FMNL2: variants seen among roughly 807,000 people sequenced by gnomAD.
FMNL2 encodes the protein formin like 2.
FMNL2 carries 51 observed loss-of-function variants against 130.2 expected under a neutral mutation model. The observed-to-expected ratio is 0.39, with a 90% CI of 0.31 to 0.49. The LOEUF is 0.49. Ranked by LOEUF, FMNL2 falls within the 20% of genes least tolerant of loss-of-function variation. The probability of loss-of-function intolerance (pLI) is 0.85; values close to 1 mark genes in which losing one functional copy is unlikely to be tolerated. For missense variants in FMNL2, 977 were observed against 1,316.2 expected (o/e 0.74, Z 3.99); for synonymous variants, 465 against 467.1 (o/e 1.00, Z 0.06).
intron 1 of FMNL2, among the ~76,000 whole-genome samples, chr2:152,392,319 C>G (rs990490992): frequency 2.6e-5 from 4 of 152,250 alleles, no homozygotes; most frequent in African/African-American, 2.4e-5. Context: ...TCTCTCCCCC[C>G]CACTCATCAC....
intron 5 of FMNL2, among the ~76,000 whole-genome samples, chr2:152,560,651 G>T (rs1695470866): frequency 6.6e-6 from 1 of 152,032 alleles, no homozygotes; most frequent in Non-Finnish European, 1.5e-5. Flanking sequence ...AATTTTTGCT[G>T]CTCATTGTTC....
rs745717981 is a variant in FMNL2, at chr2:152,647,971, G to A, written c.*66G>A. 63 of 1,319,790 alleles carry A rather than the reference G, an allele frequency of 4.8e-5. No homozygotes were observed. Among genetic ancestry groups the A allele is most frequent in the Non-Finnish European group, 6.1e-5 (58 of 950,214 alleles). 81.8% of individuals were successfully genotyped at this position (1,319,790 alleles called of 1,614,324 possible). Reference sequence around the variant, plus strand: ...GAAACTGCCCACATGAACTTTATGTGCTACGATTTAACTGCAGCCTTGAAC... The same window carrying A: ...GAAACTGCCCACATGAACTTTATGTACTACGATTTAACTGCAGCCTTGAAC... On this transcript the variant is annotated 3_prime_UTR_variant, in exon 26 of 26. Coordinates refer to ENST00000288670, the MANE Select transcript of FMNL2 (RefSeq NM_052905.4).
chr2:152,617,047 A>G (rs763288185), intron 12 of FMNL2, 44 bp from the exon 13 acceptor site: 9 of 1,563,002 alleles, frequency 5.8e-6, no homozygotes, highest in Non-Finnish European at 6.2e-6. Flanking sequence ...GGGCTGATCA[A>G]GATGATCCTG....
chr2:152,485,532 ACT>A (rs571016487), intron 1 of FMNL2, among the ~76,000 whole-genome samples: 13 of 151,944 alleles, frequency 8.6e-5, no homozygotes, highest in African/African-American at 1.9e-4. Context: ...ACAGAGTAAG[ACT>A]CTCTGCCTGT....
intron 1 of FMNL2, among the ~76,000 whole-genome samples, chr2:152,442,287 T>C (rs1688093327): frequency 6.6e-6 from 1 of 151,816 alleles, no homozygotes; most frequent in African/African-American, 2.4e-5. Context: ...GTTTTGGTCT[T>C]GTTGCCCAGG....
intron 1 of FMNL2, among the ~76,000 whole-genome samples, chr2:152,454,747 T>A (rs1688857560): frequency 6.6e-6 from 1 of 152,194 alleles, no homozygotes; most frequent in African/African-American, 2.4e-5. Flanking sequence ...ATTGGACCTT[T>A]CATCAGCATA....
rs1682624589 is a variant in FMNL2, at chr2:152,636,570, G to T, written c.2824G>T (p.Asp942Tyr). 2 of 1,567,086 alleles carry T rather than the reference G, an allele frequency of 1.3e-6. No individual in the cohort carries two copies. The highest frequency in any genetic ancestry group is 1.7e-6 in the Non-Finnish European group (2 of 1,155,158). ...TGAGGGGAAGCTGAAGAAGCTGCAGGATGATGCCAAGATCGCACAGGCAAG... is the reference window on the plus strand; with the variant it reads ...TGAGGGGAAGCTGAAGAAGCTGCAGTATGATGCCAAGATCGCACAGGCAAG... The part of the protein sequence containing the change: ...NNEGKLKKLQ[D>Y]DAKIAQDAFD... The change falls in exon 22 of 26, where the codon GAT becomes TAT. Residue 942 changes from aspartate (D) to tyrosine (Y), a missense_variant. Transcript: ENST00000288670.
intron 6 of FMNL2, among the ~76,000 whole-genome samples, chr2:152,567,447 T>G (rs935363134): frequency 4.6e-5 from 7 of 152,232 alleles, no homozygotes; most frequent in African/African-American, 1.7e-4. Flanking sequence ...TCTTTCCCTC[T>G]TTCTCTTCTT....
chr2:152,415,366 C>G (rs985010212), intron 1 of FMNL2, among the ~76,000 whole-genome samples: 8 of 152,166 alleles, frequency 5.3e-5, no homozygotes, highest in Admixed American at 5.2e-4. Context: ...GGTAAATGAC[C>G]TCACCTCTTC....
rs114537201 is a variant in FMNL2, at chr2:152,545,169, A to G, written c.282+2350A>G. On this transcript the variant is annotated intron_variant, in intron 3 of 25. Coordinates refer to ENST00000288670, the MANE Select transcript of FMNL2 (RefSeq NM_052905.4). ...GAGGAAATGATCTGTTCCACACAAC[A>G]TAATTGTAATGCTTAAAGCCTGGAA... Among the ~76,000 whole-genome samples, 85 of 152,336 alleles carry G rather than the reference A, an allele frequency of 5.6e-4. 1 individual carries two copies. The highest frequency in any genetic ancestry group is 1.1e-3 in the Non-Finnish European group (73 of 68,030).
At chr2:152,594,608 G>A (rs556763923) in intron 9 of FMNL2, among the ~76,000 whole-genome samples, 4 of 152,318 alleles carry the variant, frequency 2.6e-5, no homozygotes, top group Non-Finnish European at 1.5e-5. Flanking sequence ...ACCACCGCAC[G>A]AGGTACTGTT....
intron 1 of FMNL2, among the ~76,000 whole-genome samples, chr2:152,427,375 A>G (rs1480513382): frequency 2.0e-5 from 3 of 151,968 alleles, no homozygotes; most frequent in African/African-American, 4.8e-5. Context: ...GGTGAAACCC[A>G]GTCTCTACTA....
At chr2:152,577,793 G>A (rs1269340904) in intron 7 of FMNL2, among the ~76,000 whole-genome samples, 1 of 152,160 alleles carries the variant, frequency 6.6e-6, no homozygotes, top group East Asian at 1.9e-4. Context: ...GATGGTGGGG[G>A]TGAAATGCTT....
intron 9 of FMNL2, among the ~76,000 whole-genome samples, chr2:152,602,301 C>T (rs1698121159): frequency 1.3e-5 from 2 of 152,118 alleles, no homozygotes; most frequent in African/African-American, 4.8e-5. Flanking sequence ...TCACTTGCAG[C>T]CGGTTTATAG....
chr2:152,356,484 G>A (rs996895981), intron 1 of FMNL2, among the ~76,000 whole-genome samples: 5 of 152,194 alleles, frequency 3.3e-5, no homozygotes, highest in African/African-American at 7.2e-5. Context: ...ATAAATTACA[G>A]TTGATCCTCA....
chr2:152,493,965 G>A (rs1265840285), intron 1 of FMNL2, among the ~76,000 whole-genome samples: 2 of 152,174 alleles, frequency 1.3e-5, no homozygotes, highest in East Asian at 1.9e-4. Context: ...TATTAACAAA[G>A]CATTTGGCTT....
At chr2:152,493,098 G>A (rs146750674) in intron 1 of FMNL2, among the ~76,000 whole-genome samples, 94 of 152,286 alleles carry the variant, frequency 6.2e-4, no homozygotes, top group South Asian at 2.1e-4. Context: ...AGCAATGAAT[G>A]ATTCAAATTG....
chr2:152,435,795 T>C (rs997458518), intron 1 of FMNL2, among the ~76,000 whole-genome samples: 1 of 152,232 alleles, frequency 6.6e-6, no homozygotes, highest in African/African-American at 2.4e-5. Flanking sequence ...TCTCAGCGAA[T>C]TGCTGTAATA....
At chr2:152,541,333 T>C (rs889217707) in intron 2 of FMNL2, among the ~76,000 whole-genome samples, 1 of 152,168 alleles carries the variant, frequency 6.6e-6, no homozygotes, top group East Asian at 1.9e-4. Context: ...ATTTTTTGTA[T>C]TTTTTGTAGA....
Sources: allele counts gnomAD v4.1 joint callset (sites outside exome capture counted in the v4.1 genomes callset), GRCh38; gene constraint gnomAD v4.1.1; transcripts MANE v1.5; gene names NCBI Gene and HGNC (gene_info 2026-07-23, HGNC 2026-07-21).